The following KRT8 variants were observed in gnomAD, a reference collection of about 807,000 sequenced individuals.
KRT8 encodes keratin, type II cytoskeletal 8.
KRT8 carries 24 observed loss-of-function variants against 43.0 expected under a neutral mutation model. The ratio of observed to expected loss-of-function variants is 0.56; its 90% CI spans 0.40 to 0.78. KRT8 has a LOEUF of 0.78. Among genes scored for constraint, KRT8 ranks in the 30% least tolerant of loss-of-function variants. The pLI is 0.00. For missense variants in KRT8, 492 were observed against 638.4 expected, an observed-to-expected ratio of 0.77 and a Z score of 2.47; for synonymous variants, 214 against 261.2, an observed-to-expected ratio of 0.82 and a Z score of 1.74.
chr12:52,926,466 G>C (rs1257167042), intron 2 of KRT8: 1 of 1,535,630 alleles, frequency 6.5e-7, no homozygotes, highest in Non-Finnish European at 8.7e-7. Context: ...AACATTTGCT[G>C]AATGAAAATC....
chr12:52,911,208 C>T (rs942219065), upstream of KRT8, among the ~76,000 whole-genome samples: 4 of 151,992 alleles, frequency 2.6e-5, no homozygotes, highest in South Asian at 2.1e-4. Context: ...AGAAATTAGC[C>T]GGGCGTGGTA....
upstream of KRT8, chr12:52,906,964 A>G (rs1374027587): frequency 2.8e-6 from 1 of 355,004 alleles, no homozygotes; most frequent in Non-Finnish European, 5.6e-6. Context: ...ACACACAGAC[A>G]AGCTCTCTTC....
intron 2 of KRT8, among the ~76,000 whole-genome samples, chr12:52,933,718 G>C (rs901430038): frequency 6.6e-6 from 1 of 151,744 alleles, no homozygotes; most frequent in Admixed American, 6.6e-5. Flanking sequence ...TCCGCCTCCC[G>C]GGTTCAAGCA....
At chr12:52,944,742 G>A (rs1178461725) in intron 2 of KRT8, among the ~76,000 whole-genome samples, 4 of 152,150 alleles carry the variant, frequency 2.6e-5, no homozygotes, top group Non-Finnish European at 2.9e-5. Context: ...AAACCCAACC[G>A]AAGCAATGAT....
intron 2 of KRT8, among the ~76,000 whole-genome samples, chr12:52,942,769 A>G (rs1942287440): frequency 6.6e-6 from 1 of 151,990 alleles, no homozygotes; most frequent in Non-Finnish European, 1.5e-5. Flanking sequence ...TGGTCTCATC[A>G]TGAAGCCATG....
At chr12:52,898,845 T>A in exon 6 of KRT8, 1 of 1,613,430 alleles carries the variant, frequency 6.2e-7, no homozygotes, top group African/African-American at 1.3e-5. Flanking sequence ...GCATCCTTAA[T>A]GGCCAGCTCT....
chr12:52,933,688 A>C (rs1484000428), intron 2 of KRT8, among the ~76,000 whole-genome samples: 1 of 152,014 alleles, frequency 6.6e-6, no homozygotes, highest in East Asian at 1.9e-4. Context: ...GCAATGGGAC[A>C]GTCTCGGCTC....
intron 2 of KRT8, among the ~76,000 whole-genome samples, chr12:52,918,194 A>AAGAAGAAGAAGAAGAAGAAGAAGGAGG (rs1565725628): frequency 1.6e-5 from 2 of 124,960 alleles, no homozygotes; most frequent in Non-Finnish European, 3.3e-5. Context: ...GAAGAAGAAG[A>AAGAAGAAGAAGAAGAAGAAGAAGGAGG]AGAAGAAGAA....
chr12:52,917,266 G>A (rs1286663012), intron 2 of KRT8, among the ~76,000 whole-genome samples: 1 of 152,062 alleles, frequency 6.6e-6, no homozygotes, highest in Non-Finnish European at 1.5e-5. Context: ...GGGTGTGGTG[G>A]TGGTGCACAC....
intron 2 of KRT8, among the ~76,000 whole-genome samples, chr12:52,918,248 A>AAGAAGAAGAAGC (rs1565725906): frequency 6.6e-6 from 1 of 151,738 alleles, no homozygotes; most frequent in African/African-American, 2.4e-5. Flanking sequence ...GAAGAAGAAG[A>AAGAAGAAGAAGC]AGAAGAAGAA....
At chr12:52,902,883 G>A (rs1555186767) in intron 1 of KRT8, among the ~76,000 whole-genome samples, 1 of 152,022 alleles carries the variant, frequency 6.6e-6, no homozygotes, top group Non-Finnish European at 1.5e-5. Flanking sequence ...ATGGTGGCAC[G>A]CACTTGTAGT....
chr12:52,919,376 C>G (rs1941840391), intron 2 of KRT8, among the ~76,000 whole-genome samples: 1 of 152,154 alleles, frequency 6.6e-6, no homozygotes, highest in Non-Finnish European at 1.5e-5. Flanking sequence ...AAGCAATTCT[C>G]CTGTCTCAGC....
At chr12:52,929,943 C>T (rs1942057088) in intron 2 of KRT8, among the ~76,000 whole-genome samples, 1 of 152,186 alleles carries the variant, frequency 6.6e-6, no homozygotes. Flanking sequence ...AAACTCAAGT[C>T]ATTATCCAAT....
At chr12:52,935,887 TG>T (rs1942162319) in intron 2 of KRT8, among the ~76,000 whole-genome samples, 1 of 152,170 alleles carries the variant, frequency 6.6e-6, no homozygotes, top group Non-Finnish European at 1.5e-5. Flanking sequence ...AGCCACATAT[TG>T]GGCAAAAATA....
upstream of KRT8, chr12:52,907,087 C>G (rs927606042): frequency 8.7e-6 from 2 of 229,408 alleles, no homozygotes; most frequent in African/African-American, 4.6e-5. Context: ...TCCTTCACCT[C>G]CCCTCCCCTC....
chr12:52,918,240 A>AGAAGAAGAG (rs1941814395), intron 2 of KRT8, among the ~76,000 whole-genome samples: 1 of 151,828 alleles, frequency 6.6e-6, no homozygotes, highest in African/African-American at 2.4e-5. Context: ...AAGAAGAAGA[A>AGAAGAAGAG]GAAGAAGAAG....
chr12:52,918,317 A>G (rs1941818581), intron 2 of KRT8, among the ~76,000 whole-genome samples: 1 of 152,114 alleles, frequency 6.6e-6, no homozygotes. Flanking sequence ...CAGAAGGTCA[A>G]GGGGCCTCTA....
chr12:52,910,190 A>C (rs1941606185), upstream of KRT8, among the ~76,000 whole-genome samples: 1 of 152,166 alleles, frequency 6.6e-6, no homozygotes, highest in Admixed American at 6.5e-5. Flanking sequence ...CAGTCCACAG[A>C]GTCCTTCCCC....
intron 2 of KRT8, among the ~76,000 whole-genome samples, chr12:52,938,921 A>G (rs534813447): frequency 6.6e-6 from 1 of 152,026 alleles, no homozygotes; most frequent in East Asian, 1.9e-4. Flanking sequence ...CTGGCCTACA[A>G]ATGAATTTTT....
Sources: gnomAD v4.1 joint callset for allele counts (sites outside exome capture counted in the v4.1 genomes callset) on GRCh38, gnomAD v4.1.1 for gene constraint, MANE v1.5 for transcripts, NCBI Gene and HGNC (gene_info 2026-07-23, HGNC 2026-07-21) for gene names.